The following GPC5 variants were observed in gnomAD, a reference collection of about 807,000 sequenced individuals.
GPC5 encodes glypican 5.
In GPC5, 47 loss-of-function variants were observed where a neutral mutation model predicts 53.9. The ratio of observed to expected loss-of-function variants is 0.87; its 90% CI spans 0.69 to 1.11. GPC5 has a LOEUF of 1.11. GPC5 is among the 50% of genes most tolerant of loss of function. GPC5 has a pLI of 0.00. For missense variants in GPC5, 748 were observed against 713.1 expected (o/e 1.05, Z -0.56); for synonymous variants, 286 against 263.3 (o/e 1.09, Z -0.84).
intron 1 of GPC5, among the ~76,000 whole-genome samples, chr13:91,438,690 TCAGA>T (rs1463438561): frequency 1.3e-5 from 2 of 152,194 alleles, no homozygotes; most frequent in Non-Finnish European, 2.9e-5. Flanking sequence ...TTCAAAGCTG[TCAGA>T]CAGGGACATT....
chr13:92,438,096 C>T (rs924252639), intron 7 of GPC5, among the ~76,000 whole-genome samples: 2 of 151,894 alleles, frequency 1.3e-5, no homozygotes, highest in African/African-American at 4.8e-5. Flanking sequence ...GGGTGGTGGT[C>T]ATTGGGAGTC....
intron 6 of GPC5, among the ~76,000 whole-genome samples, chr13:91,914,932 G>A (rs1412647713): frequency 6.6e-6 from 1 of 152,130 alleles, no homozygotes; most frequent in Non-Finnish European, 1.5e-5. Flanking sequence ...CATACCGAAT[G>A]AGTTAATCAT....
chr13:91,651,317 T>C (rs1468426060), intron 2 of GPC5, among the ~76,000 whole-genome samples: 1 of 152,198 alleles, frequency 6.6e-6, no homozygotes, highest in Non-Finnish European at 1.5e-5. Flanking sequence ...AGTATTGTAG[T>C]TTTGAGATTC....
chr13:92,542,802 A>G (rs892710309), intron 7 of GPC5, among the ~76,000 whole-genome samples: 3 of 152,044 alleles, frequency 2.0e-5, no homozygotes, highest in Admixed American at 6.6e-5. Flanking sequence ...CTTTAAATAT[A>G]TAATTCCATG....
chr13:91,407,641 T>C (rs1877422572), intron 1 of GPC5, among the ~76,000 whole-genome samples: 1 of 152,198 alleles, frequency 6.6e-6, no homozygotes, highest in South Asian at 2.1e-4. Flanking sequence ...AGCTTTTCTG[T>C]GTTTCACCCT....
At chr13:92,719,433 T>C (rs773754737) in intron 7 of GPC5, among the ~76,000 whole-genome samples, 1 of 152,214 alleles carries the variant, frequency 6.6e-6, no homozygotes, top group Non-Finnish European at 1.5e-5. Flanking sequence ...TCACTAGGCA[T>C]TGAATAATTG....
intron 1 of GPC5, among the ~76,000 whole-genome samples, chr13:91,423,768 A>G (rs1468509156): frequency 6.6e-6 from 1 of 152,252 alleles, no homozygotes; most frequent in Non-Finnish European, 1.5e-5. Flanking sequence ...GGTTAGAGAT[A>G]TGTTAATTAA....
chr13:91,855,528 T>C (rs2038958290), intron 5 of GPC5, among the ~76,000 whole-genome samples: 1 of 151,634 alleles, frequency 6.6e-6, no homozygotes, highest in South Asian at 2.1e-4. Context: ...AGATTCTAAA[T>C]GGATATGTGA....
At chr13:92,353,488 A>C (rs546197776) in intron 7 of GPC5, among the ~76,000 whole-genome samples, 7 of 152,300 alleles carry the variant, frequency 4.6e-5, no homozygotes, top group African/African-American at 1.7e-4. Flanking sequence ...GGAAAGGACA[A>C]GCATGGGAAT....
chr13:91,415,524 C>T (rs912604545), intron 1 of GPC5, among the ~76,000 whole-genome samples: 1 of 152,096 alleles, frequency 6.6e-6, no homozygotes, highest in Admixed American at 6.6e-5. Flanking sequence ...TTGGTTTCCC[C>T]AATGAGCCAC....
intron 7 of GPC5, among the ~76,000 whole-genome samples, chr13:92,178,250 A>G (rs183227652): frequency 1.3e-4 from 20 of 152,272 alleles, no homozygotes; most frequent in Middle Eastern, 3.4e-3. Context: ...AATTGGCAGT[A>G]GTCAAACAAA....
intron 7 of GPC5, among the ~76,000 whole-genome samples, chr13:92,296,607 C>T (rs1013764623): frequency 1.3e-5 from 2 of 152,142 alleles, no homozygotes; most frequent in Middle Eastern, 3.2e-3. Context: ...TGTGGGAGCC[C>T]CTTTCTGGGC....
At chr13:92,370,082 A>G (rs1403912467) in intron 7 of GPC5, among the ~76,000 whole-genome samples, 1 of 152,210 alleles carries the variant, frequency 6.6e-6, no homozygotes, top group Non-Finnish European at 1.5e-5. Context: ...TTCTTAGAAA[A>G]TTAATTTGAT....
intron 3 of GPC5, among the ~76,000 whole-genome samples, chr13:91,706,313 G>T (rs2036104988): frequency 6.6e-6 from 1 of 151,882 alleles, no homozygotes; most frequent in Non-Finnish European, 1.5e-5. Flanking sequence ...AGAGTTATAA[G>T]TGATATTTGC....
chr13:92,614,521 T>G (rs1033321027), intron 7 of GPC5, among the ~76,000 whole-genome samples: 1 of 152,162 alleles, frequency 6.6e-6, no homozygotes, highest in African/African-American at 2.4e-5. Context: ...CCAGAGTAAG[T>G]TGGAGATCAT....
At chr13:92,728,281 C>T (rs2139295799) in intron 7 of GPC5, among the ~76,000 whole-genome samples, 1 of 151,350 alleles carries the variant, frequency 6.6e-6, no homozygotes, top group South Asian at 2.1e-4. Flanking sequence ...ATGTTTCAGC[C>T]CTAGGATGAC....
intron 5 of GPC5, among the ~76,000 whole-genome samples, chr13:91,886,894 T>C (rs1022103681): frequency 2.6e-5 from 4 of 152,200 alleles, no homozygotes; most frequent in Non-Finnish European, 4.4e-5. Context: ...TTTGTGGCTT[T>C]TCCAGGTAAA....
intron 1 of GPC5, among the ~76,000 whole-genome samples, chr13:91,423,193 T>C (rs913602994): frequency 1.3e-5 from 2 of 152,186 alleles, no homozygotes; most frequent in African/African-American, 2.4e-5. Flanking sequence ...AGAAGACACA[T>C]TACTGAATCA....
chr13:92,652,467 A>T (rs1315489553), intron 7 of GPC5, among the ~76,000 whole-genome samples: 1 of 152,066 alleles, frequency 6.6e-6, no homozygotes, highest in Non-Finnish European at 1.5e-5. Flanking sequence ...AGAGAAAACT[A>T]TGTAGTTTTC....
Sources: gnomAD v4.1 joint callset for allele counts (sites outside exome capture counted in the v4.1 genomes callset) on GRCh38, gnomAD v4.1.1 for gene constraint, MANE v1.5 for transcripts, NCBI Gene and HGNC (gene_info 2026-07-23, HGNC 2026-07-21) for gene names.